ATP6V0A1: variants seen among roughly 807,000 people sequenced by gnomAD.
ATP6V0A1 encodes V-type proton ATPase 116 kDa subunit a 1.
In ATP6V0A1, 43 loss-of-function variants were observed where a neutral mutation model predicts 105.4. The ratio of observed to expected loss-of-function variants is 0.41; its 90% CI spans 0.32 to 0.53. The LOEUF (loss-of-function observed/expected upper bound fraction) is 0.53. Among genes scored for constraint, ATP6V0A1 ranks in the 20% least tolerant of loss-of-function variants. ATP6V0A1 has a pLI of 0.30. For synonymous variants in ATP6V0A1, 362 were observed against 372.8 expected (o/e 0.97, Z 0.33); for missense variants, 676 against 1,051.1 (o/e 0.64, Z 4.93).
chr17:42,501,973 G>A (rs1157003380), intron 17 of ATP6V0A1, among the ~76,000 whole-genome samples: 1 of 152,104 alleles, frequency 6.6e-6, no homozygotes, highest in Non-Finnish European at 1.5e-5. Context: ...GGCGGAGGTT[G>A]CAGTCAGCCA....
chr17:42,478,631 A>G (rs1283753063), intron 7 of ATP6V0A1, 42 bp downstream of exon 7: 3 of 1,517,308 alleles, frequency 2.0e-6, no homozygotes, highest in South Asian at 1.2e-5. Flanking sequence ...GGTCTTGTAA[A>G]GGGAGCCCAG....
At chr17:42,514,259 G>A in intron 20 of ATP6V0A1, 30 bp from the exon 21 acceptor site, 1 of 1,553,788 alleles carries the variant, frequency 6.4e-7, no homozygotes, top group Non-Finnish European at 8.7e-7. Context: ...TTGCCAAACT[G>A]CACTGGATTT....
chr17:42,482,642 A>G (rs566546209), intron 8 of ATP6V0A1, among the ~76,000 whole-genome samples: 93 of 151,916 alleles, frequency 6.1e-4, no homozygotes, highest in African/African-American at 2.0e-3. Flanking sequence ...CATGCCTGTA[A>G]TCTCAGCACT....
At chr17:42,517,540 C>T (rs1316261861) in intron 21 of ATP6V0A1, among the ~76,000 whole-genome samples, 1 of 152,198 alleles carries the variant, frequency 6.6e-6, no homozygotes, top group African/African-American at 2.4e-5. Context: ...TGTGCAACTT[C>T]CAGAATCTCG....
At chr17:42,490,464 A>G (rs2090519596) in intron 10 of ATP6V0A1, 23 bp from the exon 11 acceptor site, 1 of 1,584,720 alleles carries the variant, frequency 6.3e-7, no homozygotes, top group Non-Finnish European at 8.6e-7. Context: ...CCTAAGTTTG[A>G]TAAATGTGCT....
At chr17:42,488,548 T>C (rs976070736) in intron 10 of ATP6V0A1, among the ~76,000 whole-genome samples, 9 of 152,078 alleles carry the variant, frequency 5.9e-5, no homozygotes, top group Admixed American at 3.3e-4. Context: ...CTCAGCTCAC[T>C]TCAGCTTCCA....
chr17:42,482,522 C>T (rs577395160), intron 8 of ATP6V0A1, among the ~76,000 whole-genome samples: 4 of 150,838 alleles, frequency 2.7e-5, no homozygotes, highest in Admixed American at 1.3e-4. Flanking sequence ...TTTTTTTAAT[C>T]ACAAAGGAAT....
Position 42,490,537 on chromosome 17 carries a change from C to T in ATP6V0A1, c.1074C>T (p.Asn358=). The T allele has an allele frequency of 6.2e-7, 1 of 1,613,652 alleles. No individual in the cohort carries two copies. Among genetic ancestry groups the T allele is most frequent in the Non-Finnish European group, 8.5e-7 (1 of 1,179,888 alleles). ...VPSILNRMQT[N]QTPPTYNKTN... Reference sequence around the variant, plus strand: ...CCATTTTGAACAGGATGCAGACAAACCAGACTCCCCCAACCTATAACAAAA... The same window carrying T: ...CCATTTTGAACAGGATGCAGACAAATCAGACTCCCCCAACCTATAACAAAA... Residue 358 remains asparagine (N), a synonymous_variant, in exon 11 of 22, where the codon AAC becomes AAT. Coordinates refer to ENST00000343619, the MANE Select transcript of ATP6V0A1 (RefSeq NM_001130021.3).
intron 4 of ATP6V0A1, 66 bp downstream of exon 4, chr17:42,468,173 C>T: frequency 9.1e-7 from 1 of 1,103,326 alleles, no homozygotes; most frequent in Non-Finnish European, 1.3e-6. Flanking sequence ...CTTTCCTGAG[C>T]AGATAGAGAG....
intron 1 of ATP6V0A1, chr17:42,460,186 A>G (rs1160738645): frequency 1.3e-5 from 2 of 152,232 alleles, no homozygotes; most frequent in African/African-American, 2.4e-5. Context: ...CTGCTTTGTC[A>G]TTATCAGTGT....
intron 19 of ATP6V0A1, among the ~76,000 whole-genome samples, chr17:42,513,203 C>G (rs2092435712): frequency 6.6e-6 from 1 of 152,170 alleles, no homozygotes; most frequent in Admixed American, 6.5e-5. Context: ...GCTGTTTGGC[C>G]TTAACCCATG....
chr17:42,502,496 GCA>G (rs368754662), intron 17 of ATP6V0A1, among the ~76,000 whole-genome samples: 173 of 150,056 alleles, frequency 1.2e-3, no homozygotes, highest in South Asian at 2.5e-3. Flanking sequence ...TTCTGCGCGC[GCA>G]CACACACACA....
At chr17:42,469,938 A>G in intron 4 of ATP6V0A1, 152 bp from the exon 5 acceptor site, 1 of 807,416 alleles carries the variant, frequency 1.2e-6, no homozygotes, top group Non-Finnish European at 1.9e-6. Context: ...CCATAAAGAA[A>G]ATTGCTCTAG....
chr17:42,505,286 A>G (rs1599047126), intron 17 of ATP6V0A1, among the ~76,000 whole-genome samples: 1 of 151,754 alleles, frequency 6.6e-6, no homozygotes, highest in Admixed American at 6.6e-5. Context: ...GCTCACTACA[A>G]CCTCCGCCTC....
intron 2 of ATP6V0A1, among the ~76,000 whole-genome samples, chr17:42,462,918 G>A (rs1039114135): frequency 6.8e-6 from 1 of 146,518 alleles, no homozygotes; most frequent in Non-Finnish European, 1.5e-5. Flanking sequence ...TGGCTGAAAT[G>A]TACACATCTT....
intron 10 of ATP6V0A1, among the ~76,000 whole-genome samples, chr17:42,488,600 A>G (rs2090329996): frequency 6.6e-6 from 1 of 152,122 alleles, no homozygotes; most frequent in Non-Finnish European, 1.5e-5. Flanking sequence ...GACTCCCGGT[A>G]GCTGGGACTA....
At chr17:42,496,328 AT>A (rs2091176677) in intron 14 of ATP6V0A1, 1 of 152,146 alleles carries the variant, frequency 6.6e-6, no homozygotes, top group East Asian at 1.9e-4. Flanking sequence ...TTGGTTTTTT[AT>A]TTTTAGCAGA....
Position 42,478,459 on chromosome 17 carries a change from A to G in ATP6V0A1, c.507-4A>G, listed in dbSNP as rs1375523985. The G allele has an allele frequency of 6.3e-7, 1 of 1,595,136 alleles. No individual in the cohort carries two copies. The highest frequency in any genetic ancestry group is 1.3e-5 in the African/African-American group (1 of 74,456). On this transcript the variant is annotated splice_polypyrimidine_tract_variant and splice_region_variant and intron_variant, in intron 6 of 21. Transcript: ENST00000343619. ...AGTTTCCAATCTGCCTCTTCTCCCC[A>G]CAGCTTCGTGGCTGGTGTCATTAAC...
intron 14 of ATP6V0A1, among the ~76,000 whole-genome samples, chr17:42,498,426 A>T (rs2146094343): frequency 6.6e-6 from 1 of 152,302 alleles, no homozygotes; most frequent in South Asian, 2.1e-4. Flanking sequence ...GATTAAAAAA[A>T]AAAATTTTGT....
Sources: gnomAD v4.1 joint callset for allele counts (sites outside exome capture counted in the v4.1 genomes callset) on GRCh38, gnomAD v4.1.1 for gene constraint, MANE v1.5 for transcripts, NCBI Gene and HGNC (gene_info 2026-07-23, HGNC 2026-07-21) for gene names.